The following RANBP17 variants were observed in gnomAD, a reference collection of about 807,000 sequenced individuals.
RANBP17 encodes the protein RAN binding protein 17.
A neutral mutation model predicts 141.2 loss-of-function variants in RANBP17; 158 were observed. That is an observed-to-expected ratio of 1.12 (90% CI 0.98 to 1.28). RANBP17 has a LOEUF of 1.28. Among genes scored for constraint, RANBP17 ranks in the 50% most tolerant of loss-of-function variants. RANBP17 has a pLI of 0.00. For synonymous variants in RANBP17, 430 were observed against 450.0 expected (o/e 0.96, Z 0.56); for missense variants, 1,438 against 1,290.7 (o/e 1.11, Z -1.75).
intron 16 of RANBP17, 41 bp downstream of exon 16, chr5:171,171,327 C>A: frequency 1.8e-6 from 2 of 1,116,598 alleles, no homozygotes; most frequent in Non-Finnish European, 1.3e-6. Flanking sequence ...GTGTAAACAA[C>A]CTAGCAGATG....
intron 14 of RANBP17, among the ~76,000 whole-genome samples, chr5:171,139,446 T>C (rs1479422782): frequency 6.6e-6 from 1 of 152,228 alleles, no homozygotes; most frequent in Non-Finnish European, 1.5e-5. Context: ...TTCAGAATCC[T>C]CAGTGCTTGG....
chr5:171,224,593 G>C (rs1763780496), intron 22 of RANBP17, among the ~76,000 whole-genome samples: 1 of 152,176 alleles, frequency 6.6e-6, no homozygotes, highest in Non-Finnish European at 1.5e-5. Context: ...AGCAAAAGTT[G>C]AGAAAAATAA....
chr5:171,265,892 G>A (rs751897835), intron 25 of RANBP17, 45 bp downstream of exon 25: 118 of 1,582,602 alleles, frequency 7.5e-5, no homozygotes, highest in Middle Eastern at 1.7e-4. Context: ...AGTGTTCCCA[G>A]AAGCCATACC....
At chr5:171,193,854 A>G (rs1262249045) in intron 18 of RANBP17, among the ~76,000 whole-genome samples, 1 of 152,230 alleles carries the variant, frequency 6.6e-6, no homozygotes, top group Non-Finnish European at 1.5e-5. Context: ...TTGATTAGCA[A>G]CTTTAATTTC....
chr5:171,240,525 A>G (rs1419208172), intron 22 of RANBP17, among the ~76,000 whole-genome samples: 1 of 152,166 alleles, frequency 6.6e-6, no homozygotes, highest in Non-Finnish European at 1.5e-5. Flanking sequence ...ATTTAGGGTA[A>G]TTTACATCTC....
At chr5:171,054,607 A>G (rs1294177079) in intron 14 of RANBP17, among the ~76,000 whole-genome samples, 1 of 152,098 alleles carries the variant, frequency 6.6e-6, no homozygotes, top group African/African-American at 2.4e-5. Flanking sequence ...CTTCTTTACC[A>G]CATCCTTTTG....
At chr5:171,233,251 G>A (rs146701514) in intron 22 of RANBP17, among the ~76,000 whole-genome samples, 1 of 152,112 alleles carries the variant, frequency 6.6e-6, no homozygotes, top group African/African-American at 2.4e-5. Flanking sequence ...AGGATAAGGG[G>A]GCATCTAAGT....
chr5:171,176,722 G>A (rs985910177), intron 16 of RANBP17, among the ~76,000 whole-genome samples: 1 of 152,124 alleles, frequency 6.6e-6, no homozygotes, highest in Non-Finnish European at 1.5e-5. Context: ...CTGATTTGAG[G>A]GAGCCCCTTT....
chr5:170,913,306 G>A (rs1311217058), intron 7 of RANBP17, among the ~76,000 whole-genome samples: 1 of 151,898 alleles, frequency 6.6e-6, no homozygotes, highest in Non-Finnish European at 1.5e-5. Flanking sequence ...CAAAGTTAAG[G>A]AGCAACCAGT....
At chr5:171,222,126 A>G (rs112352481) in intron 22 of RANBP17, among the ~76,000 whole-genome samples, 12 of 152,354 alleles carry the variant, frequency 7.9e-5, no homozygotes, top group African/African-American at 2.4e-4. Context: ...AAGTTACAGC[A>G]TATTCAAAAT....
chr5:171,078,388 T>C (rs1785068612), intron 14 of RANBP17, among the ~76,000 whole-genome samples: 1 of 152,120 alleles, frequency 6.6e-6, no homozygotes, highest in African/African-American at 2.4e-5. Context: ...ACTCCTGACA[T>C]CAAGTAATCC....
Position 171,265,858 on chromosome 5 carries a change from G to T in RANBP17, c.2943+11G>T. The T allele has an allele frequency of 6.2e-7, 1 of 1,609,768 alleles. No individual in the cohort carries two copies. The highest frequency in any genetic ancestry group is 1.3e-5 in the African/African-American group (1 of 74,920). ...GATGTCCTGCAGCAGGTAACTGGTG[G>T]TTGATCACCTGGCTTAAGAAACAAG... On this transcript the variant is annotated intron_variant, in intron 25 of 27. Coordinates refer to ENST00000523189, the MANE Select transcript of RANBP17 (RefSeq NM_022897.5).
chr5:171,258,145 AC>A (rs1766040438), intron 24 of RANBP17, among the ~76,000 whole-genome samples: 1 of 151,356 alleles, frequency 6.6e-6, no homozygotes, highest in Non-Finnish European at 1.5e-5. Context: ...ACACACACAC[AC>A]ACACACACAC....
intron 22 of RANBP17, among the ~76,000 whole-genome samples, chr5:171,233,883 T>A (rs145280512): frequency 6.6e-6 from 1 of 152,226 alleles, no homozygotes; most frequent in African/African-American, 2.4e-5. Flanking sequence ...ATGTAAACTA[T>A]GACATTGACT....
chr5:171,145,978 G>A (rs1395038527), intron 14 of RANBP17, among the ~76,000 whole-genome samples: 2 of 152,114 alleles, frequency 1.3e-5, no homozygotes, highest in African/African-American at 2.4e-5. Flanking sequence ...TTAATCACCT[G>A]TAATAGGCAA....
chr5:171,145,651 A>G (rs2127820664), intron 14 of RANBP17, among the ~76,000 whole-genome samples: 1 of 152,306 alleles, frequency 6.6e-6, no homozygotes. Flanking sequence ...AGAACCAATT[A>G]CACAACTTCA....
At chr5:171,204,245 A>G (rs961817850) in intron 19 of RANBP17, among the ~76,000 whole-genome samples, 2 of 152,224 alleles carry the variant, frequency 1.3e-5, no homozygotes, top group Non-Finnish European at 1.5e-5. Context: ...GACAGTGCAG[A>G]AACTGAATAT....
chr5:170,882,770 T>G (rs1193880448), intron 3 of RANBP17, among the ~76,000 whole-genome samples: 2 of 152,196 alleles, frequency 1.3e-5, no homozygotes, highest in African/African-American at 4.8e-5. Context: ...CTTGGAACTT[T>G]ACTTGAAAAA....
chr5:170,913,551 T>A (rs1039821052), intron 7 of RANBP17, among the ~76,000 whole-genome samples: 7 of 152,100 alleles, frequency 4.6e-5, no homozygotes, highest in Non-Finnish European at 8.8e-5. Flanking sequence ...TACATAGTCA[T>A]AATAAATGTA....
Sources: allele counts gnomAD v4.1 joint callset (sites outside exome capture counted in the v4.1 genomes callset), GRCh38; gene constraint gnomAD v4.1.1; transcripts MANE v1.5; gene names NCBI Gene and HGNC (gene_info 2026-07-23, HGNC 2026-07-21).